Variants in SKIC3 observed in about 807,000 individuals in gnomAD.
The protein encoded by SKIC3 is SKI3 subunit of superkiller complex.
chr5:95,543,162 GA>G, the SKIC3 span: 66 of 1,549,940 alleles, frequency 4.3e-5, no homozygotes, highest in Admixed American at 2.9e-4. Flanking sequence ...CCATAATACA[GA>G]AAAAAAAAAT....
chr5:95,511,944 C>T, the SKIC3 span, among the ~76,000 whole-genome samples: 2 of 152,208 alleles, frequency 1.3e-5, no homozygotes, highest in Admixed American at 6.5e-5. Flanking sequence ...AATTTCACCA[C>T]TCTGTCAACT....
the SKIC3 span, among the ~76,000 whole-genome samples, chr5:95,534,509 C>T: frequency 6.6e-6 from 1 of 152,142 alleles, no homozygotes; most frequent in Admixed American, 6.5e-5. Flanking sequence ...AATCTAAGCT[C>T]TAATTCAATC....
the SKIC3 span, among the ~76,000 whole-genome samples, chr5:95,479,424 T>C: frequency 9.2e-5 from 14 of 152,154 alleles, no homozygotes; most frequent in Non-Finnish European, 1.8e-4. Flanking sequence ...ACAATCTCAA[T>C]TAAGATCCCA....
At chr5:95,527,281 T>G in the SKIC3 span, among the ~76,000 whole-genome samples, 1 of 152,206 alleles carries the variant, frequency 6.6e-6, no homozygotes, top group Admixed American at 6.5e-5. Flanking sequence ...AAAACATTAT[T>G]TGAAAAACCT....
At chr5:95,477,917 T>G in the SKIC3 span, among the ~76,000 whole-genome samples, 1 of 152,180 alleles carries the variant, frequency 6.6e-6, no homozygotes, top group Non-Finnish European at 1.5e-5. Context: ...TAGAAATCCC[T>G]CTTAGAGAAT....
the SKIC3 span, among the ~76,000 whole-genome samples, chr5:95,479,563 T>G: frequency 1.3e-5 from 2 of 152,120 alleles, no homozygotes; most frequent in Non-Finnish European, 2.9e-5. Flanking sequence ...CATATAACTT[T>G]TATTATAATA....
At chr5:95,535,129 A>G in the SKIC3 span, among the ~76,000 whole-genome samples, 1 of 152,036 alleles carries the variant, frequency 6.6e-6, no homozygotes, top group Non-Finnish European at 1.5e-5. Context: ...TCCACCTTCT[A>G]TACAATCTGT....
the SKIC3 span, among the ~76,000 whole-genome samples, chr5:95,476,742 A>G: frequency 3.3e-5 from 5 of 152,178 alleles, no homozygotes; most frequent in Non-Finnish European, 7.3e-5. Context: ...ATGGGCTCTT[A>G]GAGAAAATAC....
At chr5:95,502,937 G>T in the SKIC3 span, 1 of 1,613,930 alleles carries the variant, frequency 6.2e-7, no homozygotes, top group Non-Finnish European at 8.5e-7. Context: ...TTCAGTTATT[G>T]CCAGAGCTGT....
the SKIC3 span, chr5:95,516,624 T>C: frequency 5.3e-5 from 86 of 1,613,136 alleles, no homozygotes; most frequent in Non-Finnish European, 7.1e-5. Flanking sequence ...GAACTTTGTT[T>C]GAAATACACA....
At chr5:95,513,739 T>G in the SKIC3 span, 1 of 1,231,040 alleles carries the variant, frequency 8.1e-7, no homozygotes, top group Non-Finnish European at 1.2e-6. Flanking sequence ...AAAGGTTTAC[T>G]AGCTGAGCTT....
the SKIC3 span, chr5:95,546,909 C>G: frequency 1.2e-4 from 84 of 726,320 alleles, no homozygotes; most frequent in Non-Finnish European, 1.9e-4. Flanking sequence ...ATCCTGCTAA[C>G]TAGAGGTTAA....
chr5:95,522,243 A>G, the SKIC3 span: 18 of 1,613,662 alleles, frequency 1.1e-5, no homozygotes, highest in Non-Finnish European at 1.5e-5. Flanking sequence ...CTGCTTAAGT[A>G]TGCTTCTCCT....
the SKIC3 span, chr5:95,513,511 T>C: frequency 1.9e-6 from 3 of 1,562,568 alleles, no homozygotes; most frequent in Non-Finnish European, 2.6e-6. Flanking sequence ...ATTCATTCCC[T>C]TAACAAGGAT....
chr5:95,498,711 C>T, the SKIC3 span: 22 of 916,526 alleles, frequency 2.4e-5, no homozygotes, highest in East Asian at 3.3e-4. Flanking sequence ...CTGCAAGCTC[C>T]GCCTCCCAGG....
chr5:95,526,601 G>T, the SKIC3 span, among the ~76,000 whole-genome samples: 3 of 152,042 alleles, frequency 2.0e-5, no homozygotes, highest in African/African-American at 2.4e-5. Flanking sequence ...AGCCTCCCAA[G>T]TAGCTGGGAT....
chr5:95,542,230 A>T, the SKIC3 span, among the ~76,000 whole-genome samples: 1 of 152,180 alleles, frequency 6.6e-6, no homozygotes, highest in Non-Finnish European at 1.5e-5. Flanking sequence ...ACCATCTAAG[A>T]TTACTATATG....
chr5:95,492,452 C>T, the SKIC3 span, among the ~76,000 whole-genome samples: 4 of 149,022 alleles, frequency 2.7e-5, no homozygotes, highest in Admixed American at 1.3e-4. Context: ...CCGGCTAAAA[C>T]GGTGAAACCC....
At chr5:95,553,722 G>A in the SKIC3 span, among the ~76,000 whole-genome samples, 1 of 152,130 alleles carries the variant, frequency 6.6e-6, no homozygotes, top group Non-Finnish European at 1.5e-5. Context: ...ACCACGCCCA[G>A]TATTTTGCGT....
Sources: allele counts gnomAD v4.1 joint callset (sites outside exome capture counted in the v4.1 genomes callset), GRCh38; gene constraint gnomAD v4.1.1; transcripts MANE v1.5; gene names NCBI Gene and HGNC (gene_info 2026-07-23, HGNC 2026-07-21).